NCAM2: variants seen among roughly 807,000 people sequenced by gnomAD.
The protein encoded by NCAM2 is neural cell adhesion molecule 2.
NCAM2 carries 30 observed loss-of-function variants against 98.1 expected under a neutral mutation model. The observed-to-expected ratio is 0.31, with a 90% confidence interval of 0.23 to 0.41. The LOEUF is 0.41. Among genes scored for constraint, NCAM2 ranks in the 10% least tolerant of loss-of-function variants. The pLI, the probability that NCAM2 is intolerant of heterozygous loss-of-function variation, is 1.00. For synonymous variants in NCAM2, 368 were observed against 342.4 expected, an observed-to-expected ratio of 1.07 and a Z score of -0.83; for missense variants, 867 against 1,005.8, an observed-to-expected ratio of 0.86 and a Z score of 1.87.
rs376620711 is a variant in NCAM2 at position 21,445,825 on chromosome 21, T to G, written c.1654+13544T>G. 1.2e-3 allele frequency among the ~76,000 whole-genome samples: 179 copies of G among 152,270 alleles called. 3 individuals carry two copies. The South Asian group carries it at 0.012, about 10-fold the overall frequency. ...AATTGGGGCATTTAGTCTGTTTACA[T>G]TTAAGGTTAGTATTGTTATGTGTGA... On this transcript the variant is annotated intron_variant, in intron 12 of 17. Transcript: ENST00000400546.
intron 1 of NCAM2, among the ~76,000 whole-genome samples, chr21:21,102,031 T>G (rs2066252522): frequency 1.3e-5 from 2 of 152,036 alleles, no homozygotes; most frequent in Non-Finnish European, 2.9e-5. Context: ...AAGCCCTTTG[T>G]GCAACATTGA....
At chr21:21,024,022 A>G (rs2146196283) in intron 1 of NCAM2, among the ~76,000 whole-genome samples, 1 of 152,332 alleles carries the variant, frequency 6.6e-6, no homozygotes, top group Non-Finnish European at 1.5e-5. Context: ...TAAACCCTGG[A>G]TCATTTTCTC....
chr21:21,009,883 CTG>C (rs5842868), intron 1 of NCAM2, among the ~76,000 whole-genome samples: 3,788 of 139,660 alleles, frequency 0.027, 87 homozygotes, highest in African/African-American at 0.06. Flanking sequence ...CCTCTGATAG[CTG>C]TGTGTGTGTG....
intron 1 of NCAM2, among the ~76,000 whole-genome samples, chr21:21,110,466 A>G (rs996571829): frequency 6.6e-6 from 1 of 151,944 alleles, no homozygotes; most frequent in Non-Finnish European, 1.5e-5. Flanking sequence ...AGGTAAGGAC[A>G]AAGAAAGAAA....
At position 21,184,777 on chromosome 21, in the gene NCAM2, T is replaced by C. The variant is rs1335787813; in HGVS notation, c.56-95801T>C. Among the ~76,000 whole-genome samples, 7 of 152,292 alleles carry C rather than the reference T, an allele frequency of 4.6e-5. No individual in the cohort carries two copies. In the East Asian group the frequency reaches 1.3e-3, roughly 29 times the overall value. On this transcript the variant is annotated intron_variant, in intron 1 of 17. Transcript: ENST00000400546. Reference sequence around the variant, plus strand: ...AATTGTTCCTTGTTCTCAGTGAACCTCTAATGAAATGAATCAGCATTGAAA... The same window carrying C: ...AATTGTTCCTTGTTCTCAGTGAACCCCTAATGAAATGAATCAGCATTGAAA...
At chr21:21,248,818 G>C (rs914276056) in intron 1 of NCAM2, among the ~76,000 whole-genome samples, 8 of 84,694 alleles carry the variant, frequency 9.4e-5, no homozygotes, top group Admixed American at 2.9e-4. Context: ...AAAAAAAAAA[G>C]ATTTATGAAT....
In NCAM2 at chr21:21,131,993, A is replaced by G. The variant is rs146903352; in HGVS notation, c.55+133375A>G. On this transcript the variant is annotated intron_variant, in intron 1 of 17. Coordinates refer to ENST00000400546, the MANE Select transcript of NCAM2 (RefSeq NM_004540.5). ...TATTTTACACTTCTGTGGATCAGAA[A>G]TTTGAAATGAATCATACAGGGCTAA... Among the ~76,000 whole-genome samples, 221 of 152,338 alleles carry G rather than the reference A, an allele frequency of 1.5e-3. 2 individuals carry two copies. The highest frequency in any genetic ancestry group is 4.4e-3 in the African/African-American group (182 of 41,580).
At chr21:21,248,860 A>G (rs946052896) in intron 1 of NCAM2, among the ~76,000 whole-genome samples, 4 of 148,072 alleles carry the variant, frequency 2.7e-5, no homozygotes, top group East Asian at 2.0e-4. Flanking sequence ...TTGCTCTCAC[A>G]TTAAGGGCAT....
intron 16 of NCAM2, among the ~76,000 whole-genome samples, chr21:21,511,115 A>G (rs1230832689): frequency 6.6e-6 from 1 of 152,084 alleles, no homozygotes; most frequent in Non-Finnish European, 1.5e-5. Flanking sequence ...TCTTTGTGCT[A>G]GGAACACATT....
At chr21:21,241,378 G>A (rs904732075) in intron 1 of NCAM2, among the ~76,000 whole-genome samples, 1 of 151,816 alleles carries the variant, frequency 6.6e-6, no homozygotes, top group Non-Finnish European at 1.5e-5. Flanking sequence ...ATATAGGCTG[G>A]GTCTTTTTAC....
intron 16 of NCAM2, among the ~76,000 whole-genome samples, chr21:21,533,630 G>A (rs911956249): frequency 1.4e-5 from 2 of 145,602 alleles, no homozygotes; most frequent in Non-Finnish European, 3.0e-5. Context: ...ACAAATTGAA[G>A]TCCCCAACCC....
At chr21:21,392,318 A>G (rs1430055603) in intron 9 of NCAM2, among the ~76,000 whole-genome samples, 1 of 152,342 alleles carries the variant, frequency 6.6e-6, no homozygotes, top group East Asian at 1.9e-4. Context: ...TCCGTGGTGA[A>G]CATGTACCAC....
chr21:21,200,556 A>G (rs2069176399), intron 1 of NCAM2, among the ~76,000 whole-genome samples: 3 of 152,154 alleles, frequency 2.0e-5, no homozygotes, highest in South Asian at 4.1e-4. Flanking sequence ...AAAGCCTTAG[A>G]ACTTTCTGGT....
chr21:21,537,748 A>T, intron 17 of NCAM2, 98 bp from the exon 18 acceptor site: 1 of 543,112 alleles, frequency 1.8e-6, no homozygotes, highest in Middle Eastern at 5.0e-4. Context: ...TTAGCATATT[A>T]TTGGAGCATA....
chr21:21,345,924 A>G (rs1307436197), intron 8 of NCAM2, among the ~76,000 whole-genome samples: 1 of 152,122 alleles, frequency 6.6e-6, no homozygotes, highest in East Asian at 1.9e-4. Flanking sequence ...AAAAAACTAA[A>G]TCATATCACC....
intron 1 of NCAM2, among the ~76,000 whole-genome samples, chr21:21,261,975 A>C (rs1475937389): frequency 6.6e-6 from 1 of 152,144 alleles, no homozygotes; most frequent in African/African-American, 2.4e-5. Context: ...AGATTAACTA[A>C]GAAAAAAGAG....
Position 21,134,322 on chromosome 21 carries a change from G to A in NCAM2, c.55+135704G>A, listed in dbSNP as rs1214804650. Among the ~76,000 whole-genome samples, 4 of 151,984 alleles carry A rather than the reference G, an allele frequency of 2.6e-5. No homozygotes were observed. In the East Asian group the frequency reaches 5.9e-4, roughly 22 times the overall value. The stretch of plus-strand genomic sequence containing the variant: ...CCTGACCTCGTGATCTGCGCACCTC[G>A]GCCTCCCAAAGTGCTGGGTCTACAG... On this transcript the variant is annotated intron_variant, in intron 1 of 17. Transcript: ENST00000400546.
intron 9 of NCAM2, among the ~76,000 whole-genome samples, chr21:21,383,866 C>G (rs1412797427): frequency 6.6e-6 from 1 of 151,662 alleles, no homozygotes; most frequent in Non-Finnish European, 1.5e-5. Flanking sequence ...ATCATATATT[C>G]TCAAAAACAT....
intron 1 of NCAM2, among the ~76,000 whole-genome samples, chr21:21,257,874 C>T (rs2147326143): frequency 6.6e-6 from 1 of 152,344 alleles, no homozygotes; most frequent in Admixed American, 6.5e-5. Flanking sequence ...AGCCACTGTA[C>T]CGGGCCCCCA....
Sources: gnomAD v4.1 joint callset for allele counts (sites outside exome capture counted in the v4.1 genomes callset) on GRCh38, gnomAD v4.1.1 for gene constraint, MANE v1.5 for transcripts, NCBI Gene and HGNC (gene_info 2026-07-23, HGNC 2026-07-21) for gene names.